Variants in HDAC9 observed in about 807,000 individuals in gnomAD.
The protein encoded by HDAC9 is MEF-2 interacting transcription repressor (MITR) protein.
In HDAC9, 41 loss-of-function variants were observed where a neutral mutation model predicts 139.4. The observed-to-expected ratio is 0.29, with a 90% confidence interval of 0.23 to 0.38. The LOEUF is 0.38. Ranked by LOEUF, HDAC9 falls within the 10% of genes least tolerant of loss-of-function variation. The pLI is 1.00. For missense variants in HDAC9, 1,147 were observed against 1,297.0 expected (o/e 0.88, Z 1.78); for synonymous variants, 517 against 476.2 (o/e 1.09, Z -1.12).
At chr7:18,874,329 T>TA (rs1799159251) in intron 21 of HDAC9, 149 bp from the exon 22 acceptor site, 1 of 470,730 alleles carries the variant, frequency 2.1e-6, no homozygotes, top group East Asian at 3.1e-5. Flanking sequence ...AAGGAAATGA[T>TA]ACGCTTTTGT....
intron 2 of HDAC9, among the ~76,000 whole-genome samples, chr7:18,541,140 T>TG (rs1812704378): frequency 2.2e-5 from 2 of 90,622 alleles, no homozygotes; most frequent in African/African-American, 4.1e-5. Context: ...CAAGGAACCG[T>TG]GTTTTTTTTT....
intron 2 of HDAC9, among the ~76,000 whole-genome samples, chr7:18,551,797 A>G (rs1013732635): frequency 7.2e-5 from 11 of 152,190 alleles, no homozygotes; most frequent in Non-Finnish European, 1.5e-5. Flanking sequence ...TTTAAGAACT[A>G]GATTTGGTGT....
chr7:18,575,298 A>G (rs937976459), intron 2 of HDAC9, among the ~76,000 whole-genome samples: 1 of 152,230 alleles, frequency 6.6e-6, no homozygotes, highest in Non-Finnish European at 1.5e-5. Flanking sequence ...TTTACCTTTT[A>G]TATTTACATT....
intron 12 of HDAC9, among the ~76,000 whole-genome samples, chr7:18,671,615 G>A (rs1227707728): frequency 6.6e-6 from 1 of 151,776 alleles, no homozygotes; most frequent in Admixed American, 6.6e-5. Context: ...ACTCCAATAC[G>A]TTTTAGAATA....
At chr7:18,775,803 A>G (rs1189890336) in intron 16 of HDAC9, among the ~76,000 whole-genome samples, 2 of 151,902 alleles carry the variant, frequency 1.3e-5, no homozygotes, top group Admixed American at 1.3e-4. Context: ...CTGGGAGTTC[A>G]TAGGACTAAG....
rs1462089026 is a variant in HDAC9 at position 18,205,203 on chromosome 7, T to C, written c.25+42854T>C. ...CCCCAGTTGTTTTAAATTTCCCCTT[T>C]ATCATATTATTACATTCTAACATAT... On this transcript the variant is annotated intron_variant, in intron 2 of 12. Coordinates refer to the HDAC9 transcript ENST00000417496. 2.0e-5 allele frequency among the ~76,000 whole-genome samples: 3 copies of C among 152,188 alleles called. No homozygotes were observed. In the East Asian group the frequency reaches 5.8e-4, roughly 29 times the overall value.
intron 25 of HDAC9, among the ~76,000 whole-genome samples, chr7:18,994,932 A>G (rs1390864369): frequency 6.6e-6 from 1 of 152,184 alleles, no homozygotes; most frequent in African/African-American, 2.4e-5. Flanking sequence ...TCCGCTACCT[A>G]GAGAGAAGCA....
intron 3 of HDAC9, 28 bp from the exon 4 acceptor site, chr7:18,590,308 C>T: frequency 6.2e-7 from 1 of 1,608,812 alleles, no homozygotes; most frequent in Non-Finnish European, 8.5e-7. Flanking sequence ...AGAAATTGCA[C>T]ACTCTCATGT....
intron 17 of HDAC9, among the ~76,000 whole-genome samples, chr7:18,822,483 T>C (rs1795059942): frequency 6.6e-6 from 1 of 152,184 alleles, no homozygotes; most frequent in South Asian, 2.1e-4. Flanking sequence ...GACTCCCGAC[T>C]AGTTGGGATT....
At chr7:18,952,200 A>C (rs1168513747) in intron 23 of HDAC9, among the ~76,000 whole-genome samples, 2 of 151,988 alleles carry the variant, frequency 1.3e-5, no homozygotes, top group African/African-American at 4.8e-5. Context: ...TAAAATAGAC[A>C]CAACCCTTTT....
intron 1 of HDAC9, among the ~76,000 whole-genome samples, chr7:18,472,209 A>G (rs1309113010): frequency 6.6e-6 from 1 of 152,186 alleles, no homozygotes. Flanking sequence ...CTTCCAAGAA[A>G]AGATTGTTAA....
At chr7:18,121,010 T>C (rs1372063701) in intron 1 of HDAC9, among the ~76,000 whole-genome samples, 2 of 152,156 alleles carry the variant, frequency 1.3e-5, no homozygotes, top group East Asian at 1.9e-4. Flanking sequence ...CCAAATTGCA[T>C]TTTAGAGAAA....
At chr7:18,284,573 T>C (rs1011351014) in intron 2 of HDAC9, among the ~76,000 whole-genome samples, 8 of 152,154 alleles carry the variant, frequency 5.3e-5, no homozygotes, top group African/African-American at 1.9e-4. Context: ...TAGTCTTTGG[T>C]TTTGTGGTCA....
chr7:18,713,611 G>A lies in HDAC9; in HGVS notation c.1732-13969G>A, dbSNP rs1784498778. On this transcript the variant is annotated intron_variant, in intron 12 of 25. Coordinates refer to ENST00000686413, the MANE Select transcript of HDAC9 (RefSeq NM_178425.4). ...TTTGTCTTGTCATCCTCATAAGGAT[G>A]TAGGGCATTTATGCAAGAAGATTTA... 2.6e-5 allele frequency among the ~76,000 whole-genome samples: 4 copies of A among 152,086 alleles called. No homozygotes were observed. The South Asian group carries it at 8.3e-4, about 31-fold the overall frequency.
intron 12 of HDAC9, among the ~76,000 whole-genome samples, chr7:18,684,754 C>G (rs138993897): frequency 6.6e-6 from 1 of 151,962 alleles, no homozygotes. Flanking sequence ...ACCCCCTACA[C>G]ACAATATATA....
chr7:18,547,806 CCCTTCCTTCCTTCCTT>C (rs1233554853), intron 2 of HDAC9, among the ~76,000 whole-genome samples: 1 of 68,018 alleles, frequency 1.5e-5, no homozygotes, highest in Admixed American at 1.8e-4. Flanking sequence ...TTCAAGAAAC[CCCTTCCTTCCTTCCTT>C]CCTTCCTTCC....
At chr7:18,597,595 G>A (rs760225969) in intron 6 of HDAC9, among the ~76,000 whole-genome samples, 1 of 152,112 alleles carries the variant, frequency 6.6e-6, no homozygotes. Context: ...TACATATGTG[G>A]TGATTTTGAA....
chr7:18,658,610 T>C (rs1404613737), intron 11 of HDAC9, among the ~76,000 whole-genome samples: 1 of 152,106 alleles, frequency 6.6e-6, no homozygotes, highest in Non-Finnish European at 1.5e-5. Flanking sequence ...TCTTCTCTTG[T>C]TATTTAATTT....
chr7:18,648,797 G>A, intron 11 of HDAC9, 114 bp downstream of exon 11: 3 of 865,542 alleles, frequency 3.5e-6, no homozygotes, highest in Non-Finnish European at 5.5e-6. Context: ...CAAAAAGGAT[G>A]TGATCATCCT....
Sources: allele counts gnomAD v4.1 joint callset (sites outside exome capture counted in the v4.1 genomes callset), GRCh38; gene constraint gnomAD v4.1.1; transcripts MANE v1.5; gene names NCBI Gene and HGNC (gene_info 2026-07-23, HGNC 2026-07-21).